The following ANKAR variants were observed in gnomAD, a reference collection of about 807,000 sequenced individuals.
ANKAR encodes the protein ankyrin and armadillo repeat containing.
Under a neutral mutation model 146.2 loss-of-function variants are expected in ANKAR, and 136 were observed. The observed-to-expected ratio is 0.93, with a 90% CI of 0.81 to 1.07. ANKAR has a LOEUF of 1.07. Ranked by LOEUF, ANKAR falls within the 50% of genes least tolerant of loss-of-function variation. ANKAR has a pLI of 0.00. For synonymous variants in ANKAR, 500 were observed against 575.8 expected, an observed-to-expected ratio of 0.87 and a Z score of 1.88; for missense variants, 1,567 against 1,679.9, an observed-to-expected ratio of 0.93 and a Z score of 1.18.
At chr2:189,739,809 G>C (rs1475453558) in intron 19 of ANKAR, among the ~76,000 whole-genome samples, 1 of 151,958 alleles carries the variant, frequency 6.6e-6, no homozygotes, top group East Asian at 1.9e-4. Context: ...TGATCCGCCC[G>C]CCTCGGCCTC....
chr2:189,733,074 T>C, intron 16 of ANKAR, 33 bp from the exon 17 acceptor site: 1 of 1,585,656 alleles, frequency 6.3e-7, no homozygotes, highest in Non-Finnish European at 8.6e-7. Flanking sequence ...TAAAGCATAA[T>C]TGAAAAGTAA....
chr2:189,746,782 G>A (rs1046196), downstream of ANKAR: 22,927 of 835,606 alleles, frequency 0.027, 496 homozygotes, highest in African/African-American at 0.069. Context: ...ATGTCTACAG[G>A]AATTTAGTGT....
At chr2:189,745,991 G>T (rs1222551017) in intron 22 of ANKAR, among the ~76,000 whole-genome samples, 1 of 152,162 alleles carries the variant, frequency 6.6e-6, no homozygotes, top group East Asian at 1.9e-4. Flanking sequence ...ATGATCTGAT[G>T]AAGTTTTCAC....
chr2:189,761,303 G>T, downstream of ANKAR: 1 of 1,087,398 alleles, frequency 9.2e-7, no homozygotes, highest in Non-Finnish European at 1.3e-6. Flanking sequence ...GTTATTAAAA[G>T]TGTTTGCAAA....
intron 10 of ANKAR, among the ~76,000 whole-genome samples, chr2:189,714,459 A>G (rs184055078): frequency 3.5e-4 from 54 of 152,306 alleles, no homozygotes; most frequent in Admixed American, 2.3e-3. Flanking sequence ...TAAGAAACTC[A>G]CTCAAAACCA....
chr2:189,676,717 A>G lies in ANKAR; in HGVS notation c.227A>G (p.Asn76Ser), dbSNP rs766901692. 27 of 1,614,090 alleles carry G rather than the reference A, an allele frequency of 1.7e-5. No homozygotes were observed. The highest frequency in any genetic ancestry group is 2.2e-5 in the Non-Finnish European group (26 of 1,180,060). ...DLPCGIMSQM[N>S]NVGFSTAILL... ...CCATGTGGAATTATGAGTCAAATGA[A>G]TAACGTAGGCTTCTCCACTGCAATC... is the stretch of plus-strand genomic sequence containing the variant. Residue 76 changes from asparagine (N) to serine (S), a missense_variant, in exon 2 of 23, where the codon AAT (asparagine) becomes AGT (serine). By Grantham distance (46) the Asn-to-Ser change is conservative. Transcript: ENST00000684021.
intron 9 of ANKAR, 28 bp downstream of exon 9, chr2:189,707,174 G>A: frequency 1.6e-6 from 2 of 1,240,704 alleles, no homozygotes; most frequent in Non-Finnish European, 2.2e-6. Flanking sequence ...ATAAATACAT[G>A]TTCTGATTAT....
rs375849691 is a variant in ANKAR, at chr2:189,752,786, A to G, written c.*584+7998A>G. 6.2e-4 allele frequency: 1,004 copies of G among 1,613,178 alleles called. 2 individuals are homozygous for G. The highest frequency in any genetic ancestry group is 1.0e-3 in the Admixed American group (62 of 59,928). On this transcript the variant is annotated intron_variant and NMD_transcript_variant, in intron 18 of 18. Coordinates refer to the ANKAR transcript ENST00000441800. ...AAGATCTGAAGGAAGAAGGCTTAGT[A>G]TGATAAAATGGCAATTAATATTTAC...
rs752841667 is a variant in ANKAR, at chr2:189,738,539, ACT to A, written c.3583-21_3583-20del. The A allele has an allele frequency of 8.7e-6, 12 of 1,382,102 alleles. No homozygotes were observed. The Middle Eastern group carries it at 9.1e-4, about 105-fold the overall frequency. 85.6% of individuals were successfully genotyped at this position (1,382,102 alleles called of 1,614,324 possible). On this transcript the variant is annotated intron_variant, in intron 18 of 22. Transcript: ENST00000684021. ...GAAGCTGAGTAGAAAATGTTCAAAG[ACT>A]CTCTGCTTCTTTTCTGTTTTCAGAT...
rs1233198566 is a variant in ANKAR, at chr2:189,737,800, G to C, written c.3541G>C (p.Glu1181Gln). The change falls in exon 18 of 23, where the codon GAA (glutamate) becomes CAA (glutamine). Residue 1181 changes from glutamate to glutamine, a missense_variant. By Grantham distance (29) the Glu-to-Gln change is conservative (BLOSUM62 2). Coordinates refer to ENST00000684021, the MANE Select transcript of ANKAR (RefSeq NM_001378068.1). ...MTISIFERFLESTVETEKAMA... is the reference protein window; with the variant it reads ...MTISIFERFLQSTVETEKAMA... ...CATATCTATTTTTGAACGTTTTCTT[G>C]AATCAACAGTTGAAACTGAGAAGGC... is the stretch of plus-strand genomic sequence containing the variant. 2 of 1,577,250 alleles carry C rather than the reference G, an allele frequency of 1.3e-6. No individual in the cohort carries two copies. The highest frequency in any genetic ancestry group is 3.8e-5 in the Admixed American group (2 of 52,762).
Position 189,692,254 on chromosome 2 carries a change from G to C in ANKAR, c.1040-1G>C. ...ATAAAAATTTGTTTTCATTTTTGGA[G>C]ATGACAAGGTCAAGACAGAGCGAGA... On this transcript the variant is annotated splice_acceptor_variant, in intron 3 of 22. Transcript: ENST00000684021. LOFTEE classifies it high-confidence loss of function. The C allele has an allele frequency of 6.3e-7, 1 of 1,584,852 alleles. No homozygotes were observed. Among genetic ancestry groups the C allele is most frequent in the Non-Finnish European group, 8.5e-7 (1 of 1,171,554 alleles).
chr2:189,728,442 A>G, intron 14 of ANKAR, 22 bp downstream of exon 14: 2 of 1,576,084 alleles, frequency 1.3e-6, no homozygotes, highest in Non-Finnish European at 1.7e-6. Context: ...TCCTTATTTT[A>G]TTTTTATTTT....
chr2:189,714,966 AAGAGAGAGAG>A (rs759644739), intron 10 of ANKAR, among the ~76,000 whole-genome samples: 10 of 123,854 alleles, frequency 8.1e-5, no homozygotes, highest in Non-Finnish European at 1.3e-4. Context: ...AAAAAAAAAA[AAGAGAGAGAG>A]AGAGAAACCA....
Position 189,707,580 on chromosome 2 carries a change from T to C in ANKAR, c.2119+434T>C, listed in dbSNP as rs116715935. On this transcript the variant is annotated intron_variant, in intron 9 of 22. Transcript: ENST00000684021. ...ATCTTTTGTTATATTTTGATGAATG[T>C]TTTGTGAAGAATTCTGCTGGAGATT... is the stretch of plus-strand genomic sequence containing the variant. Among the ~76,000 whole-genome samples, 527 of 150,786 alleles carry C rather than the reference T, an allele frequency of 3.5e-3. 3 individuals carry two copies. Among genetic ancestry groups the C allele is most frequent in the Non-Finnish European group, 5.1e-3 (348 of 67,706 alleles).
intron 17 of ANKAR, 56 bp from the exon 18 acceptor site, chr2:189,737,627 T>C (rs552907876): frequency 4.0e-6 from 6 of 1,490,616 alleles, no homozygotes; most frequent in Non-Finnish European, 5.4e-6. Flanking sequence ...AAGTCTATTA[T>C]GTTGAGTAAC....
intron 7 of ANKAR, among the ~76,000 whole-genome samples, chr2:189,699,827 G>A (rs926788373): frequency 7.9e-5 from 12 of 151,880 alleles, no homozygotes; most frequent in South Asian, 2.1e-4. Flanking sequence ...CCACTACACC[G>A]TATATGTTTT....
At chr2:189,742,961 CA>C (rs1559147894) in intron 20 of ANKAR, among the ~76,000 whole-genome samples, 31 of 143,716 alleles carry the variant, frequency 2.2e-4, no homozygotes, top group South Asian at 4.5e-4. Context: ...CACACACACA[CA>C]CACACACACA....
At chr2:189,761,228 A>T, downstream of ANKAR, 1 of 434,062 alleles carries the variant, frequency 2.3e-6, no homozygotes, top group Non-Finnish European at 4.0e-6. Flanking sequence ...GGATTAGTTA[A>T]GGTTGGGACC....
At chr2:189,711,382 A>G (rs2039661975) in intron 10 of ANKAR, among the ~76,000 whole-genome samples, 1 of 152,234 alleles carries the variant, frequency 6.6e-6, no homozygotes, top group Non-Finnish European at 1.5e-5. Flanking sequence ...AAAAGCTCGA[A>G]AAATTAAAAA....
Sources: allele counts gnomAD v4.1 joint callset (sites outside exome capture counted in the v4.1 genomes callset), GRCh38; gene constraint gnomAD v4.1.1; transcripts MANE v1.5; gene names NCBI Gene and HGNC (gene_info 2026-07-23, HGNC 2026-07-21).